STAT5B: variants seen among roughly 807,000 people sequenced by gnomAD.
STAT5B encodes the protein transcription factor STAT5B.
Under a neutral mutation model 107.8 loss-of-function variants are expected in STAT5B, and 21 were observed. The observed-to-expected ratio is 0.19, with a 90% CI of 0.14 to 0.28. The LOEUF is 0.28. Among genes scored for constraint, STAT5B ranks in the 10% least tolerant of loss-of-function variants. The probability of loss-of-function intolerance (pLI) is 1.00; values close to 1 mark genes in which losing one functional copy is unlikely to be tolerated. For missense variants in STAT5B, 565 were observed against 1,008.2 expected (o/e 0.56, Z 5.95); for synonymous variants, 325 against 401.7 (o/e 0.81, Z 2.28).
Position 42,224,227 on chromosome 17 carries a change from C to G in STAT5B, c.375+552G>C, listed in dbSNP as rs182000108. ...GTATTCTCACCTGAATATGAGCATG[C>G]CTTTACTAAAAAATTATTCAGCTGA... On this transcript the variant is annotated intron_variant, in intron 4 of 18. Coordinates refer to ENST00000293328, the MANE Select transcript of STAT5B (RefSeq NM_012448.4). 2.0e-5 allele frequency among the ~76,000 whole-genome samples: 3 copies of G among 152,254 alleles called. No individual in the cohort carries two copies. The East Asian group carries it at 5.8e-4, about 29-fold the overall frequency.
intron 1 of STAT5B, among the ~76,000 whole-genome samples, chr17:42,243,968 T>C (rs916046066): frequency 1.3e-5 from 2 of 151,614 alleles, no homozygotes; most frequent in African/African-American, 4.9e-5. Flanking sequence ...ACTTTCCAGA[T>C]GACTAAAAGC....
Sources: allele counts gnomAD v4.1 joint callset (sites outside exome capture counted in the v4.1 genomes callset), GRCh38; gene constraint gnomAD v4.1.1; transcripts MANE v1.5; gene names NCBI Gene and HGNC (gene_info 2026-07-23, HGNC 2026-07-21).